The following TNNI3K variants were observed in gnomAD, a reference collection of about 807,000 sequenced individuals.
TNNI3K encodes the protein TNNI3 interacting kinase.
In TNNI3K, 140 loss-of-function variants were observed where a neutral mutation model predicts 114.5. The ratio of observed to expected loss-of-function variants is 1.22; its 90% CI spans 1.07 to 1.41. TNNI3K has a LOEUF of 1.41. Among genes scored for constraint, TNNI3K ranks in the 40% most tolerant of loss-of-function variants. The pLI, the probability that TNNI3K is intolerant of heterozygous loss-of-function variation, is 0.00. For missense variants in TNNI3K, 1,125 were observed against 1,007.6 expected (o/e 1.12, Z -1.58); for synonymous variants, 347 against 347.5 (o/e 1.00, Z 0.02).
At chr1:74,237,500 G>A (rs1653929345) in intron 2 of TNNI3K, among the ~76,000 whole-genome samples, 1 of 151,958 alleles carries the variant, frequency 6.6e-6, no homozygotes, top group South Asian at 2.1e-4. Context: ...CAAAGCCTCA[G>A]TTATTTAGTA....
At chr1:74,452,311 G>A (rs1667060008) in intron 20 of TNNI3K, among the ~76,000 whole-genome samples, 1 of 152,096 alleles carries the variant, frequency 6.6e-6, no homozygotes, top group Admixed American at 6.6e-5. Context: ...CTCTGTAACT[G>A]TAAGGTGCAA....
chr1:74,526,826 A>G (rs891554914), intron 23 of TNNI3K, among the ~76,000 whole-genome samples: 1 of 152,184 alleles, frequency 6.6e-6, no homozygotes, highest in African/African-American at 2.4e-5. Flanking sequence ...TCTAAAGAAG[A>G]GATTGGTAAA....
chr1:74,473,154 T>C (rs1424661092), intron 21 of TNNI3K, among the ~76,000 whole-genome samples: 1 of 152,150 alleles, frequency 6.6e-6, no homozygotes, highest in African/African-American at 2.4e-5. Flanking sequence ...AGCTAGGCAT[T>C]GTGCTCATAA....
At chr1:74,250,862 T>A in intron 4 of TNNI3K, 93 bp downstream of exon 4, 1 of 1,224,820 alleles carries the variant, frequency 8.2e-7, no homozygotes. Context: ...TTAGTAATCA[T>A]GGAAAATTTT....
rs76136294 is a variant in TNNI3K, at chr1:74,480,525, G to A, written c.2122-8664G>A. ...ACTTCCTGTAGTTGAGGCAGGGGCC[G>A]GAAGGCATCTTTCCCAATGTAGGAA... On this transcript the variant is annotated intron_variant, in intron 21 of 24. Coordinates refer to ENST00000326637, the MANE Select transcript of TNNI3K (RefSeq NM_015978.3). 1.6e-3 allele frequency: 1,146 copies of A among 717,462 alleles called. 19 individuals are homozygous for A. In the East Asian group the frequency reaches 0.025, roughly 16 times the overall value. 44.4% of individuals were successfully genotyped at this position (717,462 alleles called of 1,614,324 possible).
intron 17 of TNNI3K, among the ~76,000 whole-genome samples, chr1:74,415,763 C>T (rs1665088160): frequency 6.6e-6 from 1 of 150,604 alleles, no homozygotes; most frequent in Admixed American, 6.6e-5. Context: ...GTGATTTGAA[C>T]AATATATATC....
intron 20 of TNNI3K, among the ~76,000 whole-genome samples, chr1:74,449,406 A>G (rs1431854206): frequency 1.3e-5 from 2 of 151,798 alleles, no homozygotes; most frequent in African/African-American, 4.8e-5. Context: ...GATCCTTTCA[A>G]AAAACCAGCT....
chr1:74,498,454 A>T (rs1223338784), intron 23 of TNNI3K, among the ~76,000 whole-genome samples: 1 of 152,218 alleles, frequency 6.6e-6, no homozygotes, highest in African/African-American at 2.4e-5. Flanking sequence ...AAATATGTTA[A>T]AAACAGAAAT....
intron 21 of TNNI3K, chr1:74,480,064 C>T (rs1668402773): frequency 3.2e-6 from 2 of 623,378 alleles, no homozygotes; most frequent in East Asian, 5.5e-5. Context: ...CCCTGGCAAC[C>T]AAGTGTCTGA....
At chr1:74,542,808 T>C (rs1038618683) in intron 24 of TNNI3K, among the ~76,000 whole-genome samples, 36 of 152,166 alleles carry the variant, frequency 2.4e-4, no homozygotes, top group Non-Finnish European at 7.4e-5. Flanking sequence ...CTTTCTTGCT[T>C]CAGAGTGAAA....
chr1:74,536,509 G>A (rs12566985), intron 23 of TNNI3K, among the ~76,000 whole-genome samples: 63,896 of 151,782 alleles, frequency 0.42, 15,399 homozygotes, highest in Non-Finnish European at 0.56. Context: ...TTATAAAAAC[G>A]GTGACTGATG....
chr1:74,477,923 T>C (rs935269551), intron 21 of TNNI3K, among the ~76,000 whole-genome samples: 2 of 152,224 alleles, frequency 1.3e-5, no homozygotes, highest in Non-Finnish European at 2.9e-5. Context: ...TAGAAACACA[T>C]TACAGCTTCA....
rs770648999 is a variant in TNNI3K at position 74,375,884 on chromosome 1, G to A, written c.1772+5492G>A. On this transcript the variant is annotated intron_variant, in intron 17 of 24. Transcript: ENST00000326637. The stretch of plus-strand genomic sequence containing the variant: ...GATAAATCAAATCTATCTAGGCACC[G>A]GGCAAGGAGAACCCACTGAAGGGTC... 1.3e-4 allele frequency: 32 copies of A among 248,166 alleles called. 1 individual carries two copies. Among genetic ancestry groups the A allele is most frequent in the Non-Finnish European group, 1.9e-4 (22 of 118,228 alleles). 15.4% of individuals were successfully genotyped at this position (248,166 alleles called of 1,614,324 possible). A position where few individuals can be genotyped will look rare whatever the true frequency, so the allele number is the denominator to read the frequency against.
intron 21 of TNNI3K, chr1:74,472,221 A>G (rs1430703623): frequency 1.4e-6 from 1 of 715,808 alleles, no homozygotes. Flanking sequence ...AATAAATGCA[A>G]GAATTTAGCA....
chr1:74,439,709 A>G (rs1476481567), intron 20 of TNNI3K, 87 bp downstream of exon 20: 6 of 1,570,284 alleles, frequency 3.8e-6, no homozygotes, highest in Non-Finnish European at 5.2e-6. Flanking sequence ...TCACAAAATG[A>G]TTAGTCTCAG....
Position 74,369,009 on chromosome 1 carries a change from T to A in TNNI3K, c.1322-13T>A, listed in dbSNP as rs769367371. 1.3e-5 allele frequency: 20 copies of A among 1,586,682 alleles called. No homozygotes were observed. The highest frequency in any genetic ancestry group is 1.6e-5 in the Non-Finnish European group (19 of 1,168,616). ...TTTACCTTAAAAAATAAAATGACAA[T>A]TTCTCTTTGCAGAGAAGGCAGATAT... On this transcript the variant is annotated splice_polypyrimidine_tract_variant and intron_variant, in intron 13 of 24. Coordinates refer to ENST00000326637, the MANE Select transcript of TNNI3K (RefSeq NM_015978.3).
At chr1:74,318,695 A>G (rs1002492229) in intron 5 of TNNI3K, among the ~76,000 whole-genome samples, 1 of 152,244 alleles carries the variant, frequency 6.6e-6, no homozygotes, top group African/African-American at 2.4e-5. Context: ...TAGTTCACAC[A>G]TTGTCATCAT....
chr1:74,464,598 G>A (rs1259466614), intron 21 of TNNI3K: 58 of 1,535,260 alleles, frequency 3.8e-5, no homozygotes, highest in Non-Finnish European at 4.8e-5. Context: ...CCAGATGTTT[G>A]AAAAGAGAAT....
chr1:74,317,994 C>G (rs1283191359), intron 5 of TNNI3K, among the ~76,000 whole-genome samples: 1 of 152,198 alleles, frequency 6.6e-6, no homozygotes, highest in African/African-American at 2.4e-5. Flanking sequence ...TCTCCAGACT[C>G]TCAACTATGT....
Sources: gnomAD v4.1 joint callset for allele counts (sites outside exome capture counted in the v4.1 genomes callset) on GRCh38, gnomAD v4.1.1 for gene constraint, MANE v1.5 for transcripts, NCBI Gene and HGNC (gene_info 2026-07-23, HGNC 2026-07-21) for gene names.